HSPA12A: variants seen among roughly 807,000 people sequenced by gnomAD.
HSPA12A encodes heat shock 70 kDa protein 12A.
HSPA12A carries 28 observed loss-of-function variants against 69.2 expected under a neutral mutation model. That is an observed-to-expected ratio of 0.40 (90% CI 0.30 to 0.55). The LOEUF is 0.55. Among genes scored for constraint, HSPA12A ranks in the 20% least tolerant of loss-of-function variants. The pLI, the probability that HSPA12A is intolerant of heterozygous loss-of-function variation, is 0.38. For synonymous variants in HSPA12A, 345 were observed against 370.5 expected, an observed-to-expected ratio of 0.93 and a Z score of 0.79; for missense variants, 686 against 900.7, an observed-to-expected ratio of 0.76 and a Z score of 3.05.
intron 2 of HSPA12A, among the ~76,000 whole-genome samples, chr10:116,781,109 C>A (rs1844453075): frequency 6.6e-6 from 1 of 152,074 alleles, no homozygotes; most frequent in South Asian, 2.1e-4. Context: ...TAAGTGTTAC[C>A]TAGTGAGACC....
At chr10:116,817,260 G>A (rs2133192347) in intron 2 of HSPA12A, among the ~76,000 whole-genome samples, 1 of 152,236 alleles carries the variant, frequency 6.6e-6, no homozygotes, top group Middle Eastern at 3.4e-3. Context: ...CTCTCTAGAA[G>A]TTTCTGAGGT....
At chr10:116,689,392 G>A (rs1056682967) in intron 6 of HSPA12A, among the ~76,000 whole-genome samples, 2 of 152,078 alleles carry the variant, frequency 1.3e-5, no homozygotes, top group Non-Finnish European at 2.9e-5. Context: ...CCTGCCTGAA[G>A]TTGGGCCCAT....
chr10:116,820,196 G>A (rs1845385839), intron 2 of HSPA12A, among the ~76,000 whole-genome samples: 1 of 152,146 alleles, frequency 6.6e-6, no homozygotes, highest in Non-Finnish European at 1.5e-5. Context: ...AATATGACAT[G>A]ATCAGCAAAA....
intron 3 of HSPA12A, among the ~76,000 whole-genome samples, chr10:116,702,338 C>T (rs555091702): frequency 7.9e-5 from 12 of 152,086 alleles, no homozygotes; most frequent in African/African-American, 1.9e-4. Context: ...CAGGTGGGGA[C>T]GCAGTGCAGG....
intron 2 of HSPA12A, among the ~76,000 whole-genome samples, chr10:116,752,244 A>T (rs1851792476): frequency 1.3e-5 from 2 of 152,324 alleles, no homozygotes; most frequent in South Asian, 4.1e-4. Flanking sequence ...AGCCCTGCCA[A>T]GAGCCTGGAG....
At chr10:116,779,382 G>A (rs546375412) in intron 2 of HSPA12A, among the ~76,000 whole-genome samples, 1 of 152,322 alleles carries the variant, frequency 6.6e-6, no homozygotes, top group East Asian at 1.9e-4. Flanking sequence ...GAATCACCCT[G>A]ACACGGTTGG....
intron 2 of HSPA12A, among the ~76,000 whole-genome samples, chr10:116,789,755 C>A (rs1844660895): frequency 1.3e-5 from 2 of 152,144 alleles, no homozygotes; most frequent in Admixed American, 6.5e-5. Flanking sequence ...CTGTTCAGTG[C>A]CCGTTTGCAT....
At chr10:116,823,594 C>T (rs1411662747) in intron 2 of HSPA12A, among the ~76,000 whole-genome samples, 1 of 152,178 alleles carries the variant, frequency 6.6e-6, no homozygotes, top group Non-Finnish European at 1.5e-5. Flanking sequence ...GAAATAAACC[C>T]TCACATGTAT....
At chr10:116,796,145 CAAAAA>C (rs10522145) in intron 2 of HSPA12A, among the ~76,000 whole-genome samples, 31 of 110,702 alleles carry the variant, frequency 2.8e-4, no homozygotes, top group South Asian at 5.2e-4. Context: ...AAGACTCCAT[CAAAAA>C]AAAAAAAAAA....
chr10:116,705,292 G>C lies in HSPA12A; in HGVS notation c.127-14C>G. ...GTCAGTGTCGTTCTGCAGATATACA[G>C]TGAGGCATGGGGGGTGTGGAGGGGT... On this transcript the variant is annotated splice_polypyrimidine_tract_variant and intron_variant, in intron 2 of 11. Transcript: ENST00000369209. 6.2e-7 allele frequency: 1 copy of C among 1,614,060 alleles called. No homozygotes were observed. The highest frequency in any genetic ancestry group is 8.5e-7 in the Non-Finnish European group (1 of 1,179,982).
intron 2 of HSPA12A, among the ~76,000 whole-genome samples, chr10:116,751,872 T>C (rs1422413383): frequency 1.3e-5 from 2 of 152,122 alleles, no homozygotes; most frequent in Non-Finnish European, 2.9e-5. Context: ...GGTCCTACCA[T>C]GTGTTGTGCC....
chr10:116,737,203 C>G (rs1415334483), intron 1 of HSPA12A, among the ~76,000 whole-genome samples: 1 of 152,156 alleles, frequency 6.6e-6, no homozygotes, highest in Non-Finnish European at 1.5e-5. Flanking sequence ...AGTCTGGCCC[C>G]AGATCTCACA....
chr10:116,801,802 T>C (rs1589715170), intron 2 of HSPA12A, among the ~76,000 whole-genome samples: 1 of 152,136 alleles, frequency 6.6e-6, no homozygotes. Flanking sequence ...CTTAATAGTA[T>C]TGTACCAAAG....
chr10:116,704,786 C>A (rs1850191208), intron 3 of HSPA12A, among the ~76,000 whole-genome samples: 1 of 152,132 alleles, frequency 6.6e-6, no homozygotes, highest in African/African-American at 2.4e-5. Context: ...GCAGGTTCAG[C>A]AATTGCCTAA....
chr10:116,728,739 T>C (rs1851056462), intron 1 of HSPA12A, among the ~76,000 whole-genome samples: 4 of 152,194 alleles, frequency 2.6e-5, no homozygotes, highest in Non-Finnish European at 2.9e-5. Flanking sequence ...AAGGGTTTTA[T>C]ATGCAGAGCA....
At chr10:116,682,590 T>TA (rs1363993207) in intron 7 of HSPA12A, among the ~76,000 whole-genome samples, 7 of 152,124 alleles carry the variant, frequency 4.6e-5, no homozygotes, top group Admixed American at 3.9e-4. Context: ...TGCTGTGGCT[T>TA]GAGGTGCTGA....
chr10:116,766,340 C>G (rs145879008), intron 2 of HSPA12A, among the ~76,000 whole-genome samples: 2 of 152,266 alleles, frequency 1.3e-5, no homozygotes, highest in Non-Finnish European at 2.9e-5. Flanking sequence ...CCTGGGCCAA[C>G]AGGGACAGGT....
At chr10:116,757,502 G>C (rs1374421574) in intron 2 of HSPA12A, among the ~76,000 whole-genome samples, 2 of 152,200 alleles carry the variant, frequency 1.3e-5, no homozygotes, top group Non-Finnish European at 2.9e-5. Context: ...AAGAGTGAGA[G>C]GGAGGCACTC....
intron 6 of HSPA12A, among the ~76,000 whole-genome samples, chr10:116,688,389 C>A (rs782393955): frequency 6.6e-6 from 1 of 152,206 alleles, no homozygotes; most frequent in African/African-American, 2.4e-5. Flanking sequence ...GCAGCAGGAG[C>A]GACATCGTAG....
Sources: gnomAD v4.1 joint callset for allele counts (sites outside exome capture counted in the v4.1 genomes callset) on GRCh38, gnomAD v4.1.1 for gene constraint, MANE v1.5 for transcripts, NCBI Gene and HGNC (gene_info 2026-07-23, HGNC 2026-07-21) for gene names.